The following BNC2 variants were observed in gnomAD, a reference collection of about 807,000 sequenced individuals.
BNC2 encodes zinc finger protein basonuclin-2.
In BNC2, 20 loss-of-function variants were observed where a neutral mutation model predicts 76.3. That is an observed-to-expected ratio of 0.26 (90% CI 0.18 to 0.38). BNC2 has a LOEUF of 0.38. BNC2 is among the 10% of genes least tolerant of loss of function. BNC2 has a pLI of 1.00. For missense variants in BNC2, 1,382 were observed against 1,399.8 expected (o/e 0.99, Z 0.20); for synonymous variants, 582 against 514.8 (o/e 1.13, Z -1.77).
At chr9:16,435,034 C>G in intron 6 of BNC2, 1 of 471,464 alleles carries the variant, frequency 2.1e-6, no homozygotes, top group South Asian at 1.5e-5. Context: ...CTGGTTATAC[C>G]TACGGAGATG....
intron 3 of BNC2, among the ~76,000 whole-genome samples, chr9:16,710,852 A>G (rs1753419482): frequency 6.6e-6 from 1 of 152,124 alleles, no homozygotes; most frequent in South Asian, 2.1e-4. Context: ...CTTGACATGT[A>G]TTTGCTCATC....
chr9:16,657,764 C>T (rs934074328), intron 3 of BNC2, among the ~76,000 whole-genome samples: 2 of 152,146 alleles, frequency 1.3e-5, no homozygotes, highest in African/African-American at 4.8e-5. Context: ...TAATATCAGA[C>T]ATACAAATAC....
chr9:16,851,325 T>G (rs886379100), intron 1 of BNC2, among the ~76,000 whole-genome samples: 1 of 151,204 alleles, frequency 6.6e-6, no homozygotes, highest in Non-Finnish European at 1.5e-5. Context: ...CTGGGCAGCA[T>G]AGTGAGACCT....
At chr9:16,546,940 T>G (rs1414176915) in intron 5 of BNC2, among the ~76,000 whole-genome samples, 1 of 152,226 alleles carries the variant, frequency 6.6e-6, no homozygotes. Flanking sequence ...TACACCCTTT[T>G]ATGTATAAGC....
Position 16,748,425 on chromosome 9 carries a change from G to A in BNC2, c.4-9940C>T, listed in dbSNP as rs534833805. Among the ~76,000 whole-genome samples, 6 of 152,076 alleles carry A rather than the reference G, an allele frequency of 3.9e-5. No individual in the cohort carries two copies. In the East Asian group the frequency reaches 1.2e-3, roughly 29 times the overall value. ...CTACTCCAGAGGCTGAGGTGGGAGG[G>A]TCACCTGAGCCCGGGGTGGTCGAGG... On this transcript the variant is annotated intron_variant, in intron 1 of 6. Coordinates refer to ENST00000380672, the MANE Select transcript of BNC2 (RefSeq NM_017637.6).
intron 4 of BNC2, among the ~76,000 whole-genome samples, chr9:16,555,031 A>ATTATTTTTTTT (rs141205501): frequency 5.3e-5 from 8 of 151,384 alleles, no homozygotes; most frequent in African/African-American, 2.0e-4. Flanking sequence ...ATTTTGTATT[A>ATTATTTTTTTT]TTTTTTAAGA....
At chr9:16,851,587 T>C (rs116012368) in intron 1 of BNC2, among the ~76,000 whole-genome samples, 556 of 152,328 alleles carry the variant, frequency 3.7e-3, no homozygotes, top group African/African-American at 0.013. Flanking sequence ...TCCTGTGTCT[T>C]GAAAATCACA....
intron 5 of BNC2, among the ~76,000 whole-genome samples, chr9:16,448,871 T>C (rs576575343): frequency 1.4e-4 from 21 of 152,312 alleles, no homozygotes; most frequent in Admixed American, 8.5e-4. Flanking sequence ...ATTAAATGTG[T>C]TCCTATAAAA....
intron 1 of BNC2, among the ~76,000 whole-genome samples, chr9:16,771,001 C>G (rs1444788833): frequency 6.6e-6 from 1 of 152,078 alleles, no homozygotes; most frequent in African/African-American, 2.4e-5. Flanking sequence ...CGAAACCCCT[C>G]TCTACTAAAA....
chr9:16,462,485 C>G (rs982130818), intron 5 of BNC2, among the ~76,000 whole-genome samples: 3 of 152,086 alleles, frequency 2.0e-5, no homozygotes, highest in African/African-American at 7.2e-5. Context: ...GTAACTCCTG[C>G]TGGCAAAATG....
chr9:16,726,011 C>CAT (rs1323475170), intron 3 of BNC2, among the ~76,000 whole-genome samples: 1 of 151,856 alleles, frequency 6.6e-6, no homozygotes, highest in African/African-American at 2.4e-5. Flanking sequence ...CGCACACACA[C>CAT]ACACACGACC....
At chr9:16,494,869 T>C (rs142662025) in intron 5 of BNC2, among the ~76,000 whole-genome samples, 2,901 of 152,082 alleles carry the variant, frequency 0.019, 39 homozygotes, top group Middle Eastern at 0.037. Flanking sequence ...TTAGGAGAAA[T>C]ACCTAATGTA....
At chr9:16,561,136 G>C (rs989203978) in intron 4 of BNC2, among the ~76,000 whole-genome samples, 1 of 152,126 alleles carries the variant, frequency 6.6e-6, no homozygotes, top group Non-Finnish European at 1.5e-5. Context: ...CTACTCAGGA[G>C]GCTGAGATAG....
intron 4 of BNC2, among the ~76,000 whole-genome samples, chr9:16,576,757 G>A (rs570437952): frequency 6.6e-6 from 1 of 152,138 alleles, no homozygotes; most frequent in Non-Finnish European, 1.5e-5. Flanking sequence ...TGTTGTTGTT[G>A]AGATGGAGTC....
chr9:16,555,098 C>T (rs895157093), intron 4 of BNC2, among the ~76,000 whole-genome samples: 1 of 152,004 alleles, frequency 6.6e-6, no homozygotes, highest in African/African-American at 2.4e-5. Flanking sequence ...CGGCTCACTG[C>T]AAGCTCCGCC....
chr9:16,774,683 C>A (rs1016083813), intron 1 of BNC2, among the ~76,000 whole-genome samples: 1 of 152,200 alleles, frequency 6.6e-6, no homozygotes, highest in African/African-American at 2.4e-5. Context: ...TTTAAACATA[C>A]TGAATATCTG....
At chr9:16,519,603 C>A (rs1817552747) in intron 5 of BNC2, among the ~76,000 whole-genome samples, 1 of 152,212 alleles carries the variant, frequency 6.6e-6, no homozygotes, top group Admixed American at 6.5e-5. Context: ...GACGGAAAGG[C>A]TGTCCAAGGC....
At chr9:16,662,672 G>T (rs1486623899) in intron 3 of BNC2, among the ~76,000 whole-genome samples, 1 of 152,166 alleles carries the variant, frequency 6.6e-6, no homozygotes, top group African/African-American at 2.4e-5. Context: ...GGAGGTGGAG[G>T]TTGCAGTGAG....
At chr9:16,448,975 G>A (rs1232736887) in intron 5 of BNC2, among the ~76,000 whole-genome samples, 1 of 152,150 alleles carries the variant, frequency 6.6e-6, no homozygotes, top group Non-Finnish European at 1.5e-5. Context: ...TATCAACGTA[G>A]AGATTATATA....
Sources: allele counts gnomAD v4.1 joint callset (sites outside exome capture counted in the v4.1 genomes callset), GRCh38; gene constraint gnomAD v4.1.1; transcripts MANE v1.5; gene names NCBI Gene and HGNC (gene_info 2026-07-23, HGNC 2026-07-21).